The following STX2 variants were observed in gnomAD, a reference collection of about 807,000 sequenced individuals.
The protein encoded by STX2 is syntaxin-2.
Under a neutral mutation model 40.6 loss-of-function variants are expected in STX2, and 27 were observed. That is an observed-to-expected ratio of 0.66 (90% CI 0.49 to 0.92). The LOEUF is 0.92. Ranked by LOEUF, STX2 falls within the 40% of genes least tolerant of loss-of-function variation. The pLI is 0.00. For synonymous variants in STX2, 123 were observed against 119.1 expected (o/e 1.03, Z -0.22); for missense variants, 328 against 366.1 (o/e 0.90, Z 0.85).
Position 130,801,414 on chromosome 12 carries a change from C to T in STX2, c.537+1G>A, listed in dbSNP as rs1260404064. 5 of 1,608,708 alleles carry T rather than the reference C, an allele frequency of 3.1e-6. No individual in the cohort carries two copies. Among genetic ancestry groups the T allele is most frequent in the African/African-American group, 2.7e-5 (2 of 74,734 alleles). On this transcript the variant is annotated splice_donor_variant, in intron 7 of 10. Transcript: ENST00000392373. LOFTEE classifies it high-confidence loss of function. ...AGCCACAGGGCCGCACCCCCACTCA[C>T]GTCGGAAGTGAAGATGGATGGCTTC... is the stretch of plus-strand genomic sequence containing the variant.
intron 1 of STX2, among the ~76,000 whole-genome samples, chr12:130,828,391 C>CT (rs35993256): frequency 0.038 from 4,063 of 106,518 alleles, 303 homozygotes; most frequent in African/African-American, 0.12. Context: ...CCACACCCGG[C>CT]TTTTTTTTTT....
chr12:130,830,162 C>A (rs3889166), intron 1 of STX2, among the ~76,000 whole-genome samples: 2 of 152,142 alleles, frequency 1.3e-5, no homozygotes, highest in Admixed American at 6.5e-5. Context: ...CTTCCTACCC[C>A]CCACACCACA....
At chr12:130,830,214 G>GGAGGCTGCACCTGCAGCTCCAGGAAA (rs1391382923) in intron 1 of STX2, among the ~76,000 whole-genome samples, 21 of 152,256 alleles carry the variant, frequency 1.4e-4, no homozygotes, top group African/African-American at 4.8e-4. Flanking sequence ...ATGCTACTGT[G>GGAGGCTGCACCTGCAGCTCCAGGAAA]GAGGCTGCAC....
intron 1 of STX2, among the ~76,000 whole-genome samples, chr12:130,831,653 G>A (rs929014929): frequency 6.6e-6 from 1 of 152,102 alleles, no homozygotes; most frequent in African/African-American, 2.4e-5. Context: ...AAATAAATAT[G>A]TAAATGCTGA....
At chr12:130,792,027 A>T in intron 10 of STX2, 50 bp from the exon 11 acceptor site, 1 of 1,316,260 alleles carries the variant, frequency 7.6e-7, no homozygotes, top group Middle Eastern at 2.0e-4. Context: ...AGAAATCAAC[A>T]ATGGCATTTG....
chr12:130,820,223 A>T (rs927344303), intron 3 of STX2, among the ~76,000 whole-genome samples: 3 of 152,220 alleles, frequency 2.0e-5, no homozygotes, highest in Non-Finnish European at 4.4e-5. Context: ...GTCACTATTT[A>T]TTCACAATTA....
rs889627396 is a variant in STX2, at chr12:130,801,385, A to G, written c.537+30T>C. The G allele has an allele frequency of 3.1e-6, 5 of 1,599,692 alleles. No individual in the cohort carries two copies. In the East Asian group the frequency reaches 1.1e-4, roughly 36 times the overall value. On this transcript the variant is annotated intron_variant, in intron 7 of 10. Transcript: ENST00000392373. The stretch of plus-strand genomic sequence containing the variant: ...AAAAGCTCTGTCTACAGAAGAGGAC[A>G]TGGAGCCACAGGGCCGCACCCCCAC...
chr12:130,835,736 G>A (rs1002138756), intron 1 of STX2, among the ~76,000 whole-genome samples: 2 of 152,158 alleles, frequency 1.3e-5, no homozygotes, highest in Admixed American at 6.5e-5. Flanking sequence ...CTGGATGGGC[G>A]AGTCTTTTAC....
chr12:130,803,587 G>T lies in STX2; in HGVS notation c.464-2099C>A, dbSNP rs115180223. On this transcript the variant is annotated intron_variant, in intron 6 of 10. Transcript: ENST00000392373. The stretch of plus-strand genomic sequence containing the variant: ...GAGGCTGAGGTGGGAGGATCCCTTG[G>T]ATCCAGGAGTTCAAGGCCACAATAA... Among the ~76,000 whole-genome samples, 671 of 144,780 alleles carry T rather than the reference G, an allele frequency of 4.6e-3. 9 individuals carry two copies. The highest frequency in any genetic ancestry group is 0.016 in the African/African-American group (643 of 39,424). 95.0% of individuals were successfully genotyped at this position (144,780 alleles called of 152,430 possible). A position where few individuals can be genotyped will look rare whatever the true frequency, so the allele number is the denominator to read the frequency against.
At chr12:130,792,703 C>T (rs1017630072) in intron 10 of STX2, among the ~76,000 whole-genome samples, 5 of 152,134 alleles carry the variant, frequency 3.3e-5, no homozygotes, top group East Asian at 1.9e-4. Flanking sequence ...TGGGCTCAAG[C>T]GATCTTCCTG....
chr12:130,794,851 C>A (rs1950981877), intron 10 of STX2, among the ~76,000 whole-genome samples: 1 of 152,182 alleles, frequency 6.6e-6, no homozygotes, highest in South Asian at 2.1e-4. Context: ...AGAATAAATT[C>A]ATTGGGGATG....
In STX2 at chr12:130,812,971, C is replaced by A; in HGVS notation, c.266G>T (p.Arg89Leu). 1 of 1,549,882 alleles carries A rather than the reference C, an allele frequency of 6.5e-7. No homozygotes were observed. The highest frequency in any genetic ancestry group is 8.7e-7 in the Non-Finnish European group (1 of 1,154,200). Residue 89 changes from arginine (R) to leucine (L), a missense_variant, in exon 4 of 11, where the codon CGA becomes CTA. Physicochemically the swap from Arg to Leu is moderately radical, Grantham distance 102. Transcript: ENST00000392373. ...KEIKKTANKI[R>L]AKLKAIEQSF... ...TTCAAACTTACCCTTTAACTTGGCT[C>A]GAATTTTATTCGCAGTTTTCTTGAT...
chr12:130,805,210 C>T (rs1951385329), intron 6 of STX2, among the ~76,000 whole-genome samples: 1 of 152,102 alleles, frequency 6.6e-6, no homozygotes, highest in Non-Finnish European at 1.5e-5. Context: ...AGCATTTCTG[C>T]CAGGATGGAG....
intron 4 of STX2, chr12:130,812,647 T>C: frequency 6.8e-6 from 2 of 294,284 alleles, no homozygotes; most frequent in South Asian, 7.8e-5. Context: ...ATCGAATAAA[T>C]TCTACAGAAA....
intron 6 of STX2, among the ~76,000 whole-genome samples, chr12:130,803,302 A>C (rs1951297432): frequency 6.6e-6 from 1 of 152,166 alleles, no homozygotes; most frequent in Non-Finnish European, 1.5e-5. Context: ...GGAGTTTGAG[A>C]CTAGCCTGGG....
chr12:130,806,967 G>C lies in STX2; in HGVS notation c.463+15C>G. 1 of 1,606,494 alleles carries C rather than the reference G, an allele frequency of 6.2e-7. No homozygotes were observed. Among genetic ancestry groups the C allele is most frequent in the Non-Finnish European group, 8.5e-7 (1 of 1,173,834 alleles). ...AAAACATGATTTTAACAAAGACGGA[G>C]TCTCCATTACTCACTTATCTCCAGC... On this transcript the variant is annotated intron_variant, in intron 6 of 10. Transcript: ENST00000392373.
At chr12:130,810,472 T>C (rs1447609049) in intron 4 of STX2, 1 of 152,154 alleles carries the variant, frequency 6.6e-6, no homozygotes, top group East Asian at 1.9e-4. Context: ...GGTGTCTAGA[T>C]CACATTCTTC....
At chr12:130,792,306 G>A (rs1017015834) in intron 10 of STX2, among the ~76,000 whole-genome samples, 25 of 152,154 alleles carry the variant, frequency 1.6e-4, no homozygotes, top group African/African-American at 4.3e-4. Flanking sequence ...TGATCCACCC[G>A]CCTCAGCCTC....
intron 1 of STX2, among the ~76,000 whole-genome samples, chr12:130,831,615 G>A (rs1952560680): frequency 6.6e-6 from 1 of 152,170 alleles, no homozygotes; most frequent in South Asian, 2.1e-4. Context: ...CCTGGCGATA[G>A]AGAGGGACTT....
Sources: allele counts gnomAD v4.1 joint callset (sites outside exome capture counted in the v4.1 genomes callset), GRCh38; gene constraint gnomAD v4.1.1; transcripts MANE v1.5; gene names NCBI Gene and HGNC (gene_info 2026-07-23, HGNC 2026-07-21).